The following FANCD2OS variants were observed in gnomAD, a reference collection of about 807,000 sequenced individuals.
FANCD2OS encodes FANCD2 opposite strand, also known as FANCD2 opposite strand protein.
A neutral mutation model predicts 13.2 loss-of-function variants in FANCD2OS; 11 were observed. That is an observed-to-expected ratio of 0.83 (90% CI 0.52 to 1.38). The LOEUF (loss-of-function observed/expected upper bound fraction) is 1.38, where lower values mean the gene tolerates loss of function less well. Among genes scored for constraint, FANCD2OS ranks in the 40% most tolerant of loss-of-function variants. FANCD2OS has a pLI of 0.00. For missense variants in FANCD2OS, 217 were observed against 213.9 expected, an observed-to-expected ratio of 1.01 and a Z score of -0.09; for synonymous variants, 69 against 84.5, an observed-to-expected ratio of 0.82 and a Z score of 1.01.
At chr3:10,094,470 T>C in intron 2 of FANCD2OS, 1 of 921,500 alleles carries the variant, frequency 1.1e-6, no homozygotes, top group East Asian at 2.4e-5. Context: ...TGGGCTCCTC[T>C]GGTCCACTTC....
intron 1 of FANCD2OS, 31 bp from the exon 2 acceptor site, chr3:10,104,813 C>G: frequency 1.3e-6 from 2 of 1,519,368 alleles, no homozygotes; most frequent in African/African-American, 2.8e-5. Flanking sequence ...CATGGAATTT[C>G]CCTGACATGC....
At chr3:10,093,349 C>CG (rs746965013) in intron 2 of FANCD2OS, 1 of 1,581,204 alleles carries the variant, frequency 6.3e-7, no homozygotes, top group East Asian at 2.2e-5. Context: ...GGCCCTGTTT[C>CG]ATATTTATTC....
At chr3:10,102,063 C>T (rs1479858735), downstream of FANCD2OS, 2 of 169,118 alleles carry the variant, frequency 1.2e-5, no homozygotes, top group Non-Finnish European at 2.6e-5. Flanking sequence ...AATCATGTCT[C>T]CTATTGTAAG....
At chr3:10,093,255 G>A in intron 2 of FANCD2OS, 1 of 1,603,888 alleles carries the variant, frequency 6.2e-7, no homozygotes, top group Non-Finnish European at 8.5e-7. Context: ...GCAGATCTCA[G>A]CCTTGGTTTC....
At chr3:10,098,148 A>G (rs956526157), downstream of FANCD2OS, among the ~76,000 whole-genome samples, 2 of 152,228 alleles carry the variant, frequency 1.3e-5, no homozygotes, top group African/African-American at 4.8e-5. Flanking sequence ...AAACAGCACC[A>G]CAGAGAATTA....
downstream of FANCD2OS, among the ~76,000 whole-genome samples, chr3:10,098,033 A>C (rs1018124022): frequency 1.3e-5 from 2 of 152,140 alleles, no homozygotes; most frequent in Non-Finnish European, 2.9e-5. Flanking sequence ...GTTGTTTATA[A>C]TACTACTTTG....
In FANCD2OS at chr3:10,104,263, A is replaced by C; in HGVS notation, c.512T>G (p.Phe171Cys). ...LLYATYKKCT[F>C]ALQHSK ...CCTTTACTTGGAGTGCTGCAAGGCA[A>C]AGGTGCACTTTTTGTAAGTTGCATA... The change falls in exon 2 of 2, where the codon TTT (phenylalanine) becomes TGT (cysteine). Residue 171 changes from phenylalanine (F) to cysteine (C), a missense_variant. By Grantham distance (205) the Phe-to-Cys change is radical. Transcript: ENST00000450660. 2 of 1,611,544 alleles carry C rather than the reference A, an allele frequency of 1.2e-6. No homozygotes were observed. The highest frequency in any genetic ancestry group is 1.7e-6 in the Non-Finnish European group (2 of 1,178,540).
chr3:10,103,900 C>T (rs530808125), downstream of FANCD2OS: 20 of 221,884 alleles, frequency 9.0e-5, no homozygotes, highest in South Asian at 3.4e-4. Flanking sequence ...CCTCTACACC[C>T]CTTTTCCCCC....
At chr3:10,082,352 C>T (rs543677233) in intron 2 of FANCD2OS, among the ~76,000 whole-genome samples, 6 of 152,278 alleles carry the variant, frequency 3.9e-5, no homozygotes, top group African/African-American at 1.4e-4. Flanking sequence ...TATCTCTCAA[C>T]CTGGACTGGG....
chr3:10,104,211 G>T lies in FANCD2OS; in HGVS notation c.*30C>A, dbSNP rs750484145. 2 of 1,557,652 alleles carry T rather than the reference G, an allele frequency of 1.3e-6. No homozygotes were observed. The highest frequency in any genetic ancestry group is 1.4e-5 in the African/African-American group (1 of 73,394). On this transcript the variant is annotated 3_prime_UTR_variant, in exon 2 of 2. Transcript: ENST00000450660. ...TTAGGTACATACCAAAGGGCATGGT[G>T]TGAGTAAATGGGGATCAAATGAGGA...
chr3:10,105,772 TTATATATATATATATATATATATA>T lies in FANCD2OS; in HGVS notation c.-8-1014_-8-991del, dbSNP rs574690780. ...TCTAAAAAAAAAAAAAAAAAAAAAA[TTATATATATATATATATATATATA>T]TATATATATATATATATATATATAT... is the stretch of plus-strand genomic sequence containing the variant. On this transcript the variant is annotated intron_variant, in intron 1 of 1. Transcript: ENST00000450660. 7.9e-3 allele frequency among the ~76,000 whole-genome samples: 178 copies of T among 22,644 alleles called. 7 individuals are homozygous for T. The highest frequency in any genetic ancestry group is 0.067 in the Middle Eastern group (2 of 30). The allele number at this position is 22,644 out of a possible 152,430, so 14.9% of individuals were successfully genotyped here.
chr3:10,086,612 G>A (rs887428012), intron 2 of FANCD2OS, among the ~76,000 whole-genome samples: 4 of 152,014 alleles, frequency 2.6e-5, no homozygotes, highest in Admixed American at 6.6e-5. Flanking sequence ...CTCCCAAGAC[G>A]CTGGGATTAC....
downstream of FANCD2OS, chr3:10,101,186 A>T (rs1695277609): frequency 6.2e-7 from 1 of 1,610,690 alleles, no homozygotes; most frequent in African/African-American, 1.3e-5. Flanking sequence ...TTTGCCCCTT[A>T]GGATGGTGAA....
chr3:10,101,172 A>T, downstream of FANCD2OS: 1 of 1,601,736 alleles, frequency 6.2e-7, no homozygotes, highest in East Asian at 2.2e-5. Context: ...TTATTTATTT[A>T]TTCTTTGCCC....
chr3:10,090,528 CG>C, intron 2 of FANCD2OS: 2 of 571,892 alleles, frequency 3.5e-6, no homozygotes, highest in Non-Finnish European at 6.1e-6. Flanking sequence ...GGCATGATCT[CG>C]GCTCACTGCA....
chr3:10,085,591 C>T (rs1694142198), intron 2 of FANCD2OS, among the ~76,000 whole-genome samples: 3 of 151,916 alleles, frequency 2.0e-5, no homozygotes, highest in Non-Finnish European at 4.4e-5. Flanking sequence ...GGGATTTCAC[C>T]GTGTTGGCCA....
intron 1 of FANCD2OS, among the ~76,000 whole-genome samples, chr3:10,106,405 T>C (rs1695495833): frequency 1.3e-5 from 2 of 152,232 alleles, no homozygotes; most frequent in South Asian, 4.1e-4. Context: ...TAAGAAGTTT[T>C]ACTAAATTCA....
chr3:10,087,251 C>T (rs1410035226), intron 2 of FANCD2OS: 1 of 1,421,104 alleles, frequency 7.0e-7, no homozygotes, highest in Non-Finnish European at 9.6e-7. Flanking sequence ...CTGCTCAGAA[C>T]AAAGAAAAAA....
chr3:10,104,740 G>A lies in FANCD2OS; in HGVS notation c.35C>T (p.Pro12Leu). 6.9e-6 allele frequency: 11 copies of A among 1,603,066 alleles called. No homozygotes were observed. Among genetic ancestry groups the A allele is most frequent in the Non-Finnish European group, 9.4e-6 (11 of 1,173,886 alleles). Residue 12 changes from proline to leucine, a missense_variant, in exon 2 of 2, where the codon CCA becomes CTA. Coordinates refer to ENST00000450660, the MANE Select transcript of FANCD2OS (RefSeq NM_001164839.2). Reference sequence around the variant, plus strand: ...CAGCCATTGGAAACTCTCATCCAGTGGGGTCCATGGTGACCAGAGCTGGTA... The same window carrying A: ...CAGCCATTGGAAACTCTCATCCAGTAGGGTCCATGGTGACCAGAGCTGGTA... ...AGYQLWSPWT[P>L]LDESFQWLRH...
Sources: gnomAD v4.1 joint callset for allele counts (sites outside exome capture counted in the v4.1 genomes callset) on GRCh38, gnomAD v4.1.1 for gene constraint, MANE v1.5 for transcripts, NCBI Gene and HGNC (gene_info 2026-07-23, HGNC 2026-07-21) for gene names.